CXADR: variants seen among roughly 807,000 people sequenced by gnomAD.
The protein encoded by CXADR is coxsackievirus and adenovirus receptor.
In CXADR, 20 loss-of-function variants were observed where a neutral mutation model predicts 40.3. That is an observed-to-expected ratio of 0.50 (90% CI 0.35 to 0.72). The LOEUF (loss-of-function observed/expected upper bound fraction) is 0.72. CXADR is among the 30% of genes least tolerant of loss of function. The pLI is 0.01. For synonymous variants in CXADR, 150 were observed against 161.3 expected, an observed-to-expected ratio of 0.93 and a Z score of 0.53; for missense variants, 332 against 449.1, an observed-to-expected ratio of 0.74 and a Z score of 2.36.
At position 17,568,391 on chromosome 21, in the gene CXADR, G is replaced by T; in HGVS notation, c.*2699G>T. The T allele has an allele frequency of 1.0e-6, 1 of 969,374 alleles. No individual in the cohort carries two copies. Among genetic ancestry groups the T allele is most frequent in the African/African-American group, 1.8e-5 (1 of 56,738 alleles). The allele number at this position is 969,374 out of a possible 1,614,324, so 60.0% of individuals were successfully genotyped here. On this transcript the variant is annotated 3_prime_UTR_variant, in exon 7 of 7. Coordinates refer to ENST00000284878, the MANE Select transcript of CXADR (RefSeq NM_001338.5). Reference sequence around the variant, plus strand: ...GATCTGCCTGCCTCGGCCTCCCAAAGTGCTGGGATTACAGGCGTGAACCAC... The same window carrying T: ...GATCTGCCTGCCTCGGCCTCCCAAATTGCTGGGATTACAGGCGTGAACCAC...
chr21:17,547,005 C>G, intron 1 of CXADR, 22 bp from the exon 2 acceptor site: 2 of 1,611,414 alleles, frequency 1.2e-6, no homozygotes, highest in Non-Finnish European at 1.7e-6. Flanking sequence ...ATGCTTAGTC[C>G]CTTGTACATT....
the CXADR span, chr21:17,609,140 T>C: frequency 6.2e-7 from 1 of 1,603,332 alleles, no homozygotes; most frequent in Non-Finnish European, 8.5e-7. Flanking sequence ...AATTTCATTC[T>C]TCATTTTTTT....
chr21:17,579,819 G>A (rs1185366501), intron 7 of CXADR, among the ~76,000 whole-genome samples: 4 of 151,996 alleles, frequency 2.6e-5, no homozygotes, highest in African/African-American at 9.7e-5. Context: ...AGCTGGCAGA[G>A]TAAGTGCTCA....
intron 1 of CXADR, among the ~76,000 whole-genome samples, chr21:17,520,340 T>C (rs2060515296): frequency 6.6e-6 from 1 of 152,190 alleles, no homozygotes. Context: ...GTTCAGTGCA[T>C]GTAAGGCACC....
At chr21:17,575,761 G>A (rs536896947) in intron 7 of CXADR, among the ~76,000 whole-genome samples, 46 of 150,888 alleles carry the variant, frequency 3.0e-4, no homozygotes, top group African/African-American at 1.1e-3. Context: ...CCAAAGTGCT[G>A]GGATTAATTT....
chr21:17,603,793 A>C, the CXADR span, among the ~76,000 whole-genome samples: 1 of 152,302 alleles, frequency 6.6e-6, no homozygotes, highest in Non-Finnish European at 1.5e-5. Flanking sequence ...TCCCAGCTCA[A>C]GTATCACCTA....
chr21:17,542,808 T>C (rs1248217476), intron 1 of CXADR, among the ~76,000 whole-genome samples: 4 of 152,358 alleles, frequency 2.6e-5, no homozygotes, highest in African/African-American at 9.6e-5. Flanking sequence ...AGTTAAATTG[T>C]TAATCTACTT....
chr21:17,573,360 G>A (rs750794008), downstream of CXADR, among the ~76,000 whole-genome samples: 3 of 152,212 alleles, frequency 2.0e-5, no homozygotes, highest in South Asian at 2.1e-4. Context: ...ACCTCAACCC[G>A]TAACAGTAAT....
chr21:17,614,458 C>T, the CXADR span, among the ~76,000 whole-genome samples: 1 of 152,156 alleles, frequency 6.6e-6, no homozygotes, highest in Non-Finnish European at 1.5e-5. Context: ...TTAAAAAATT[C>T]TCAGGCTGGG....
chr21:17,607,285 GC>G, the CXADR span, among the ~76,000 whole-genome samples: 1 of 151,956 alleles, frequency 6.6e-6, no homozygotes, highest in Non-Finnish European at 1.5e-5. Context: ...TGGTGGCTTG[GC>G]ACTTCCAAAA....
chr21:17,594,760 C>T (rs1326733741), downstream of CXADR, among the ~76,000 whole-genome samples: 2 of 151,732 alleles, frequency 1.3e-5, no homozygotes, highest in South Asian at 2.1e-4. Flanking sequence ...AATCAACTAC[C>T]GCATGTTCTC....
chr21:17,550,454 C>A, intron 2 of CXADR, among the ~76,000 whole-genome samples: 1 of 151,380 alleles, frequency 6.6e-6, no homozygotes, highest in East Asian at 1.9e-4. Flanking sequence ...CAAGAAGTTT[C>A]TGCAGAATAA....
At chr21:17,544,819 G>A (rs142369734) in intron 1 of CXADR, among the ~76,000 whole-genome samples, 3 of 152,252 alleles carry the variant, frequency 2.0e-5, no homozygotes, top group Non-Finnish European at 2.9e-5. Context: ...GTGCCTAAAC[G>A]TAAATGGTGT....
intron 7 of CXADR, among the ~76,000 whole-genome samples, chr21:17,591,338 AATT>A (rs1488532447): frequency 6.6e-6 from 1 of 152,046 alleles, no homozygotes; most frequent in East Asian, 1.9e-4. Context: ...AAATTAAAAA[AATT>A]ATTTACTATT....
At chr21:17,564,716 A>T (rs1308801547) in intron 6 of CXADR, among the ~76,000 whole-genome samples, 2 of 152,026 alleles carry the variant, frequency 1.3e-5, no homozygotes, top group Admixed American at 1.3e-4. Context: ...TCCTTTTTTA[A>T]AAAATTTTAA....
chr21:17,612,483 C>T, the CXADR span: 1 of 152,192 alleles, frequency 6.6e-6, no homozygotes, highest in Non-Finnish European at 1.5e-5. Flanking sequence ...GCCGAGGGTC[C>T]CGCGGAAAGC....
In CXADR at chr21:17,551,757, A is replaced by G; in HGVS notation, c.219A>G (p.Leu73=). 1 of 1,609,614 alleles carries G rather than the reference A, an allele frequency of 6.2e-7. No individual in the cohort carries two copies. The highest frequency in any genetic ancestry group is 8.5e-7 in the Non-Finnish European group (1 of 1,177,306). ...TTTTGGCTTTCTTTTAGATTATTTT[A>G]TATTCTGGAGACAAAATTTATGATG... is the stretch of plus-strand genomic sequence containing the variant. ...DNQKVDQVII[L]YSGDKIYDDY... The change falls in exon 3 of 7, where the codon TTA becomes TTG. Residue 73 remains leucine, a synonymous_variant. Coordinates refer to ENST00000284878, the MANE Select transcript of CXADR (RefSeq NM_001338.5).
chr21:17,547,087 A>G lies in CXADR; in HGVS notation c.104A>G (p.Glu35Gly), dbSNP rs1239817237. The G allele has an allele frequency of 6.2e-7, 1 of 1,613,926 alleles. No individual in the cohort carries two copies. Among genetic ancestry groups the G allele is most frequent in the Non-Finnish European group, 8.5e-7 (1 of 1,179,958 alleles). ...PEEMIEKAKGETAYLPCKFTL... is the reference protein window; with the variant it reads ...PEEMIEKAKGGTAYLPCKFTL... ...GAGATGATTGAAAAAGCCAAAGGGG[A>G]AACTGCCTATCTGCCATGCAAATTT... The change falls in exon 2 of 7, where the codon GAA becomes GGA. Residue 35 changes from glutamate (E) to glycine (G), a missense_variant. Coordinates refer to ENST00000284878, the MANE Select transcript of CXADR (RefSeq NM_001338.5).
chr21:17,596,284 A>G (rs2061503157), downstream of CXADR, among the ~76,000 whole-genome samples: 1 of 152,024 alleles, frequency 6.6e-6, no homozygotes, highest in South Asian at 2.1e-4. Flanking sequence ...AAGATGATTA[A>G]TTTTGATGAA....
Sources: gnomAD v4.1 joint callset for allele counts (sites outside exome capture counted in the v4.1 genomes callset) on GRCh38, gnomAD v4.1.1 for gene constraint, MANE v1.5 for transcripts, NCBI Gene and HGNC (gene_info 2026-07-23, HGNC 2026-07-21) for gene names.